Variants in ANKIB1 observed in about 807,000 individuals in gnomAD.
ANKIB1 encodes ankyrin repeat and IBR domain-containing protein 1.
In ANKIB1, 43 loss-of-function variants were observed where a neutral mutation model predicts 122.1. The observed-to-expected ratio is 0.35, with a 90% confidence interval of 0.28 to 0.45. ANKIB1 has a LOEUF of 0.45. ANKIB1 is among the 20% of genes least tolerant of loss of function. The pLI is 1.00. For missense variants in ANKIB1, 992 were observed against 1,329.5 expected (o/e 0.75, Z 3.95); for synonymous variants, 390 against 442.0 (o/e 0.88, Z 1.48).
intron 16 of ANKIB1, among the ~76,000 whole-genome samples, chr7:92,391,812 C>A (rs923163674): frequency 6.6e-6 from 1 of 152,014 alleles, no homozygotes; most frequent in Non-Finnish European, 1.5e-5. Flanking sequence ...CACTAAAGAT[C>A]AGTTGAGTTG....
chr7:92,352,797 TG>T, intron 9 of ANKIB1, among the ~76,000 whole-genome samples, 155 bp downstream of exon 9: 1 of 152,224 alleles, frequency 6.6e-6, no homozygotes, highest in African/African-American at 2.4e-5. Flanking sequence ...AGTTCATATT[TG>T]TTGTGTGCTT....
At chr7:92,392,986 G>A (rs1804818335) in intron 17 of ANKIB1, among the ~76,000 whole-genome samples, 1 of 152,012 alleles carries the variant, frequency 6.6e-6, no homozygotes, top group Admixed American at 6.6e-5. Flanking sequence ...AATGGTTTCA[G>A]CAGTTCTCTC....
intron 5 of ANKIB1, among the ~76,000 whole-genome samples, chr7:92,332,997 G>C (rs767378645): frequency 6.6e-6 from 1 of 152,070 alleles, no homozygotes; most frequent in Non-Finnish European, 1.5e-5. Flanking sequence ...CCAACCAACT[G>C]GGTATTCGAG....
intron 9 of ANKIB1, among the ~76,000 whole-genome samples, chr7:92,359,978 A>C (rs1803906888): frequency 1.3e-5 from 2 of 152,202 alleles, no homozygotes; most frequent in Non-Finnish European, 1.5e-5. Flanking sequence ...GGAGCTCTGT[A>C]AAACCACAAT....
intron 10 of ANKIB1, 64 bp downstream of exon 10, chr7:92,362,337 C>A: frequency 1.4e-6 from 2 of 1,420,920 alleles, no homozygotes; most frequent in South Asian, 2.5e-5. Flanking sequence ...ATAATGTGGT[C>A]ATATCTTTTT....
chr7:92,317,953 C>G (rs533436341), intron 3 of ANKIB1, among the ~76,000 whole-genome samples: 1 of 152,104 alleles, frequency 6.6e-6, no homozygotes, highest in Non-Finnish European at 1.5e-5. Flanking sequence ...CATTTCACTT[C>G]GATTTATATG....
intron 9 of ANKIB1, among the ~76,000 whole-genome samples, chr7:92,356,396 A>G (rs1234251020): frequency 6.6e-6 from 1 of 152,214 alleles, no homozygotes; most frequent in African/African-American, 2.4e-5. Context: ...GACTCCTGCC[A>G]ACTAGCAAAA....
chr7:92,275,173 C>G (rs568191684), intron 1 of ANKIB1, among the ~76,000 whole-genome samples: 1 of 152,086 alleles, frequency 6.6e-6, no homozygotes, highest in South Asian at 2.1e-4. Context: ...TTCATCAGCT[C>G]TTGTTTCCTC....
chr7:92,397,758 G>T lies in ANKIB1; in HGVS notation c.2431G>T (p.Gly811Cys). 6.2e-7 allele frequency: 1 copy of T among 1,611,726 alleles called. No individual in the cohort carries two copies. ...AGGCGGCAGCAGCAGCCGCAGGCCTGGCACATCCGTGGTAAGTTCTGCATC... is the reference window on the plus strand; with the variant it reads ...AGGCGGCAGCAGCAGCCGCAGGCCTTGCACATCCGTGGTAAGTTCTGCATC... ...PEGGSSSRRPGTSVVSSASMS... is the reference protein window; with the variant it reads ...PEGGSSSRRPCTSVVSSASMS... Residue 811 changes from glycine to cysteine, a missense_variant, in exon 19 of 20, where the codon GGC becomes TGC. Gly to Cys is a radical substitution (Grantham distance 159, BLOSUM62 -3). Around this residue, in one of 4 missense-constraint regions of ANKIB1, gnomAD observed 384 missense variants for 412.0 expected, o/e 0.93. Coordinates refer to ENST00000265742, the MANE Select transcript of ANKIB1 (RefSeq NM_019004.2).
intron 1 of ANKIB1, among the ~76,000 whole-genome samples, chr7:92,287,222 G>A (rs1438607472): frequency 6.6e-6 from 1 of 152,152 alleles, no homozygotes; most frequent in Non-Finnish European, 1.5e-5. Context: ...ACTGTGTTTA[G>A]ATTTCACCAG....
chr7:92,388,188 A>C (rs1361709207), intron 14 of ANKIB1, 147 bp downstream of exon 14: 1 of 752,050 alleles, frequency 1.3e-6, no homozygotes, highest in African/African-American at 1.8e-5. Flanking sequence ...CCCTGAGTGC[A>C]GCTTAGCAGA....
chr7:92,353,190 C>A (rs1465687997), intron 9 of ANKIB1, among the ~76,000 whole-genome samples: 2 of 152,044 alleles, frequency 1.3e-5, no homozygotes, highest in African/African-American at 2.4e-5. Context: ...TTGAGTGGGG[C>A]TCTAAAAAAA....
chr7:92,327,670 C>T (rs549928664), intron 4 of ANKIB1, 113 bp from the exon 5 acceptor site: 6 of 467,028 alleles, frequency 1.3e-5, no homozygotes, highest in South Asian at 5.5e-5. Flanking sequence ...TGATCCAATC[C>T]GTGGAATGTG....
intron 15 of ANKIB1, 35 bp from the exon 16 acceptor site, chr7:92,391,131 G>A (rs1053163273): frequency 1.3e-6 from 2 of 1,541,132 alleles, no homozygotes; most frequent in Non-Finnish European, 1.8e-6. Context: ...AACCTATGAA[G>A]CCTGTGATTT....
At chr7:92,263,120 G>T (rs1314248665) in intron 1 of ANKIB1, among the ~76,000 whole-genome samples, 1 of 152,122 alleles carries the variant, frequency 6.6e-6, no homozygotes, top group Non-Finnish European at 1.5e-5. Flanking sequence ...GTAAAATGTA[G>T]GCAGGATTGT....
At chr7:92,338,893 C>CA (rs1803355004) in intron 5 of ANKIB1, among the ~76,000 whole-genome samples, 1 of 94,600 alleles carries the variant, frequency 1.1e-5, no homozygotes, top group African/African-American at 4.4e-5. Context: ...GCCTGGGCGA[C>CA]AGAGTGAGAC....
At chr7:92,396,509 A>C in intron 18 of ANKIB1, 33 bp downstream of exon 18, 1,247 of 1,041,478 alleles carry the variant, frequency 1.2e-3, no homozygotes, top group Non-Finnish European at 1.6e-3. Context: ...GTTTAATCTC[A>C]TAGCTCCCCT....
chr7:92,375,582 C>A, intron 11 of ANKIB1, among the ~76,000 whole-genome samples: 1 of 152,184 alleles, frequency 6.6e-6, no homozygotes, highest in South Asian at 2.1e-4. Flanking sequence ...GGCTGCACTT[C>A]CAGTTCTTTT....
chr7:92,271,027 C>G (rs1801779898), intron 1 of ANKIB1, among the ~76,000 whole-genome samples: 1 of 151,906 alleles, frequency 6.6e-6, no homozygotes, highest in South Asian at 2.1e-4. Context: ...AAAAATTCTC[C>G]CTAATCCCAG....
Sources: gnomAD v4.1 joint callset for allele counts (sites outside exome capture counted in the v4.1 genomes callset) on GRCh38, gnomAD v4.1.1 for gene constraint, gnomAD v4.1.1 regional missense constraint, MANE v1.5 for transcripts, NCBI Gene and HGNC (gene_info 2026-07-23, HGNC 2026-07-21) for gene names.